Variants in RAB28 observed in about 807,000 individuals in gnomAD.
RAB28 encodes the protein RAB28, member RAS oncogene family, also known as ras-related protein Rab-28.
Under a neutral mutation model 31.7 loss-of-function variants are expected in RAB28, and 24 were observed. The observed-to-expected ratio is 0.76, with a 90% confidence interval of 0.55 to 1.06. RAB28 has a LOEUF of 1.06. RAB28 is among the 50% of genes least tolerant of loss of function. The probability of loss-of-function intolerance (pLI) is 0.00; values close to 1 mark genes in which losing one functional copy is unlikely to be tolerated. For missense variants in RAB28, 254 were observed against 258.5 expected, an observed-to-expected ratio of 0.98 and a Z score of 0.12; for synonymous variants, 100 against 90.4, an observed-to-expected ratio of 1.11 and a Z score of -0.60.
At chr4:13,414,855 T>C (rs768889280) in intron 4 of RAB28, among the ~76,000 whole-genome samples, 31 of 152,324 alleles carry the variant, frequency 2.0e-4, no homozygotes, top group Non-Finnish European at 3.4e-4. Context: ...TTAAATAAAA[T>C]TTAACTCATG....
At chr4:13,476,874 A>G (rs1716385013) in intron 2 of RAB28, among the ~76,000 whole-genome samples, 2 of 151,576 alleles carry the variant, frequency 1.3e-5, no homozygotes. Flanking sequence ...TAACTAGGAG[A>G]AAAAATAAAA....
intron 4 of RAB28, among the ~76,000 whole-genome samples, chr4:13,434,451 A>G (rs1367744502): frequency 6.6e-6 from 1 of 152,230 alleles, no homozygotes; most frequent in East Asian, 1.9e-4. Context: ...AGACCTAAGT[A>G]AAGTGACAGA....
intron 4 of RAB28, among the ~76,000 whole-genome samples, chr4:13,425,567 A>C (rs1194867508): frequency 6.6e-6 from 1 of 152,130 alleles, no homozygotes; most frequent in Non-Finnish European, 1.5e-5. Flanking sequence ...ATACACACAC[A>C]TATGTACACA....
At chr4:13,389,339 G>A (rs892065159) in intron 4 of RAB28, among the ~76,000 whole-genome samples, 1 of 152,086 alleles carries the variant, frequency 6.6e-6, no homozygotes, top group Non-Finnish European at 1.5e-5. Flanking sequence ...CATGGCTATA[G>A]AATTCCAGAT....
At chr4:13,387,461 G>A (rs9993359) in intron 4 of RAB28, among the ~76,000 whole-genome samples, 2,395 of 152,064 alleles carry the variant, frequency 0.016, 61 homozygotes, top group African/African-American at 0.054. Flanking sequence ...TATTTCTGTT[G>A]CCCTTTAATG....
intron 3 of RAB28, 33 bp downstream of exon 3, chr4:13,474,285 T>C (rs779941661): frequency 7.3e-7 from 1 of 1,377,684 alleles, no homozygotes; most frequent in South Asian, 1.2e-5. Flanking sequence ...TGGTATACTT[T>C]CAATACTGGA....
chr4:13,430,175 T>G (rs551881779), intron 4 of RAB28, among the ~76,000 whole-genome samples: 2 of 151,738 alleles, frequency 1.3e-5, no homozygotes, highest in Non-Finnish European at 2.9e-5. Context: ...TAAAAAAAAT[T>G]TTTTTTTTAC....
intron 4 of RAB28, among the ~76,000 whole-genome samples, chr4:13,420,183 T>C (rs951370161): frequency 2.0e-5 from 3 of 151,998 alleles, no homozygotes; most frequent in African/African-American, 7.3e-5. Flanking sequence ...CCCGGAAACA[T>C]ACACCCTCCC....
At chr4:13,469,027 C>T (rs1054001463) in intron 3 of RAB28, among the ~76,000 whole-genome samples, 1 of 151,972 alleles carries the variant, frequency 6.6e-6, no homozygotes, top group Admixed American at 6.6e-5. Flanking sequence ...GGCCTCTACT[C>T]ACCAGCCTCA....
At chr4:13,371,754 A>G (rs944820330) in intron 6 of RAB28, 2 of 1,546,464 alleles carry the variant, frequency 1.3e-6, no homozygotes, top group East Asian at 4.9e-5. Flanking sequence ...AAAGCCATTT[A>G]TTGATGTTTT....
chr4:13,382,611 G>T (rs966491169), intron 4 of RAB28, among the ~76,000 whole-genome samples: 1 of 151,548 alleles, frequency 6.6e-6, no homozygotes, highest in Admixed American at 6.6e-5. Flanking sequence ...TAGGCTCAAG[G>T]GTTCTCTCTC....
chr4:13,454,926 G>A (rs1475720896), intron 4 of RAB28, among the ~76,000 whole-genome samples: 5 of 152,232 alleles, frequency 3.3e-5, no homozygotes, highest in Non-Finnish European at 7.3e-5. Flanking sequence ...CCTGGGACAG[G>A]TGCACACAGC....
chr4:13,479,650 A>G, intron 1 of RAB28, 124 bp from the exon 2 acceptor site: 3 of 644,132 alleles, frequency 4.7e-6, no homozygotes, highest in Non-Finnish European at 7.8e-6. Flanking sequence ...AAATTTAAGC[A>G]GTTCTAATCA....
chr4:13,446,166 G>A (rs770385861), intron 4 of RAB28, among the ~76,000 whole-genome samples: 4 of 152,160 alleles, frequency 2.6e-5, no homozygotes, highest in Admixed American at 1.3e-4. Flanking sequence ...CCTTAGCACC[G>A]TCGGGAAAAC....
At chr4:13,459,695 T>A (rs772047066) in intron 4 of RAB28, 52 of 898,904 alleles carry the variant, frequency 5.8e-5, no homozygotes, top group African/African-American at 5.5e-4. Context: ...AAAAAAAAAA[T>A]TATATTTCAG....
chr4:13,479,404 T>TACGTTAAG, intron 2 of RAB28, 26 bp downstream of exon 2: 1 of 1,496,152 alleles, frequency 6.7e-7, no homozygotes, highest in Non-Finnish European at 9.2e-7. Flanking sequence ...TATAATCTTC[T>TACGTTAAG]ACGTTAAGAC....
At chr4:13,428,014 G>A (rs56170733) in intron 4 of RAB28, among the ~76,000 whole-genome samples, 8,987 of 152,184 alleles carry the variant, frequency 0.059, 579 homozygotes, top group African/African-American at 0.16. Context: ...TGAGAGTGTC[G>A]TGATGGATTG....
intron 4 of RAB28, among the ~76,000 whole-genome samples, chr4:13,449,505 C>A (rs1445262494): frequency 2.0e-5 from 3 of 151,918 alleles, no homozygotes; most frequent in Admixed American, 6.6e-5. Flanking sequence ...GGGAACACAA[C>A]TTATAGGGTA....
chr4:13,381,423 G>T, intron 5 of RAB28, 68 bp downstream of exon 5: 1 of 1,149,716 alleles, frequency 8.7e-7, no homozygotes, highest in Non-Finnish European at 1.3e-6. Flanking sequence ...AATAGTGGAA[G>T]TATACTTCCT....
Sources: gnomAD v4.1 joint callset for allele counts (sites outside exome capture counted in the v4.1 genomes callset) on GRCh38, gnomAD v4.1.1 for gene constraint, MANE v1.5 for transcripts, NCBI Gene and HGNC (gene_info 2026-07-23, HGNC 2026-07-21) for gene names.